ZNF445: variants seen among roughly 807,000 people sequenced by gnomAD.
ZNF445 encodes zinc finger protein 445, also known as zinc finger protein 168.
A neutral mutation model predicts 93.9 loss-of-function variants in ZNF445; 19 were observed. The ratio of observed to expected loss-of-function variants is 0.20; its 90% confidence interval spans 0.14 to 0.30. The LOEUF is 0.30. Among genes scored for constraint, ZNF445 ranks in the 10% least tolerant of loss-of-function variants. The pLI, the probability that ZNF445 is intolerant of heterozygous loss-of-function variation, is 1.00. For synonymous variants in ZNF445, 449 were observed against 446.3 expected, an observed-to-expected ratio of 1.01 and a Z score of -0.08; for missense variants, 1,058 against 1,259.4, an observed-to-expected ratio of 0.84 and a Z score of 2.42.
Position 44,440,039 on chromosome 3 carries a change from G to A in ZNF445, c.*6536C>T, listed in dbSNP as rs781486336. On this transcript the variant is annotated 3_prime_UTR_variant, in exon 8 of 8. Transcript: ENST00000396077. ...GCTTGAATGCTATTAGCAGACAAAC[G>A]TCAAACATGGGGAGACTCTATTCTA... The A allele has an allele frequency of 1.1e-4, 17 of 152,186 alleles. No individual in the cohort carries two copies. Among genetic ancestry groups the A allele is most frequent in the African/African-American group, 3.1e-4 (13 of 41,434 alleles). The allele number at this position is 152,186 out of a possible 1,614,324, so 9.4% of individuals were successfully genotyped here.
chr3:44,449,373 G>T, intron 7 of ZNF445, 140 bp downstream of exon 7: 1 of 680,312 alleles, frequency 1.5e-6, no homozygotes. Context: ...AGACCCAGTG[G>T]CCCAAGCACC....
chr3:44,449,657 G>A (rs377289080), intron 6 of ZNF445, 34 bp from the exon 7 acceptor site: 73 of 1,545,350 alleles, frequency 4.7e-5, no homozygotes, highest in Non-Finnish European at 6.2e-5. Flanking sequence ...TGAGAAGGGA[G>A]ATGGATGACA....
intron 2 of ZNF445, among the ~76,000 whole-genome samples, chr3:44,456,915 G>A (rs1208337136): frequency 2.0e-5 from 3 of 152,132 alleles, no homozygotes; most frequent in Admixed American, 2.0e-4. Context: ...ACTGCTTGAG[G>A]TCAGGAGTTT....
At position 44,439,021 on chromosome 3, in the gene ZNF445, AAC is replaced by A. The variant is rs1697754323; in HGVS notation, c.*7552_*7553del. The A allele has an allele frequency of 6.6e-6, 1 of 150,966 alleles. No individual in the cohort carries two copies. The highest frequency in any genetic ancestry group is 1.5e-5 in the Non-Finnish European group (1 of 67,750). The allele number at this position is 150,966 out of a possible 1,614,324, so 9.4% of individuals were successfully genotyped here. On this transcript the variant is annotated 3_prime_UTR_variant, in exon 8 of 8. Coordinates refer to ENST00000396077, the MANE Select transcript of ZNF445 (RefSeq NM_181489.6). ...ACCCTAAAAGTATAAAAAAAAAAAA[AAC>A]AAGGACTCCAGGCATGGTGGCTCAC... is the stretch of plus-strand genomic sequence containing the variant.
chr3:44,469,171 A>C (rs1365431433), intron 1 of ZNF445, among the ~76,000 whole-genome samples: 1 of 152,192 alleles, frequency 6.6e-6, no homozygotes, highest in Non-Finnish European at 1.5e-5. Flanking sequence ...CCAAAGTTAC[A>C]AGGCAACTAG....
At chr3:44,467,391 A>C (rs1698210335) in intron 1 of ZNF445, among the ~76,000 whole-genome samples, 1 of 152,154 alleles carries the variant, frequency 6.6e-6, no homozygotes, top group African/African-American at 2.4e-5. Context: ...CCTTTAAAGA[A>C]TCAAAGTTGA....
intron 1 of ZNF445, 61 bp from the exon 2 acceptor site, chr3:44,458,425 C>G (rs907467846): frequency 6.6e-6 from 1 of 151,866 alleles, no homozygotes; most frequent in Non-Finnish European, 1.5e-5. Flanking sequence ...ATAGTTCTTA[C>G]GCCTGATACC....
In ZNF445 at chr3:44,455,289, G is replaced by A. The variant is rs144934269; in HGVS notation, c.261C>T (p.Asp87=). The change falls in exon 3 of 8, where the codon GAC becomes GAT. Residue 87 remains aspartate, a synonymous_variant. Coordinates refer to ENST00000396077, the MANE Select transcript of ZNF445 (RefSeq NM_181489.6). ...RELCRWWLRP[D]VLSKAQILEL... Reference sequence around the variant, plus strand: ...CTAGGATCTGTGCCTTGGAGAGAACGTCAGGCCTCAGCCACCAGCGACAGA... The same window carrying A: ...CTAGGATCTGTGCCTTGGAGAGAACATCAGGCCTCAGCCACCAGCGACAGA... 1.8e-5 allele frequency: 29 copies of A among 1,614,024 alleles called. No individual in the cohort carries two copies. The African/African-American group carries it at 2.5e-4, about 14-fold the overall frequency.
intron 6 of ZNF445, chr3:44,450,180 C>T: frequency 2.2e-6 from 1 of 448,708 alleles, no homozygotes; most frequent in Non-Finnish European, 4.1e-6. Context: ...CTCAAGCAAT[C>T]TTCCCACCTG....
chr3:44,458,018 A>AC (rs1284749343), intron 2 of ZNF445, among the ~76,000 whole-genome samples: 2 of 151,350 alleles, frequency 1.3e-5, no homozygotes, highest in African/African-American at 4.9e-5. Context: ...GTCTCAAAAA[A>AC]AAAAAAAAAA....
rs1281781143 is a variant in ZNF445 at position 44,435,209 on chromosome 3, ATCTC to A, written c.*11362_*11365del. ...ACCACCCTACTTCTCTAACCTATAA[ATCTC>A]TCTAAGCCTCATCTTTGGGGAGGTG... On this transcript the variant is annotated 3_prime_UTR_variant, in exon 8 of 8. Transcript: ENST00000396077. 3 of 152,096 alleles carry A rather than the reference ATCTC, an allele frequency of 2.0e-5. No individual in the cohort carries two copies. Among genetic ancestry groups the A allele is most frequent in the East Asian group, 1.9e-4 (1 of 5,184 alleles). 9.4% of individuals were successfully genotyped at this position (152,096 alleles called of 1,614,324 possible).
chr3:44,443,479 G>C lies in ZNF445; in HGVS notation c.*3096C>G, dbSNP rs1309048050. The C allele has an allele frequency of 6.6e-6, 1 of 152,164 alleles. No homozygotes were observed. Among genetic ancestry groups the C allele is most frequent in the Non-Finnish European group, 1.5e-5 (1 of 68,080 alleles). The allele number at this position is 152,164 out of a possible 1,614,324, so 9.4% of individuals were successfully genotyped here. On this transcript the variant is annotated 3_prime_UTR_variant, in exon 8 of 8. Transcript: ENST00000396077. ...CTCACACCTGTAATCCCAGCATTTT[G>C]GGAGGCCGAGGCGGGTGGATCACGA...
At position 44,446,548 on chromosome 3, in the gene ZNF445, C is replaced by G; in HGVS notation, c.*27G>C. Reference sequence around the variant, plus strand: ...TCTCTAGCAGGGGACTGAGAACCCACCCCCACTGTCACTGTCAGGTCCCAG... The same window carrying G: ...TCTCTAGCAGGGGACTGAGAACCCAGCCCCACTGTCACTGTCAGGTCCCAG... On this transcript the variant is annotated 3_prime_UTR_variant, in exon 8 of 8. Transcript: ENST00000396077. The surrounding 1 kb of genome is among the most constrained non-coding windows in gnomAD (Gnocchi z 4.2). The G allele has an allele frequency of 1.2e-6, 2 of 1,613,462 alleles. No individual in the cohort carries two copies. Among genetic ancestry groups the G allele is most frequent in the Non-Finnish European group, 1.7e-6 (2 of 1,179,932 alleles).
At position 44,448,204 on chromosome 3, in the gene ZNF445, G is replaced by C. The variant is rs758769682; in HGVS notation, c.1467C>G (p.Asp489Glu). ...HTVGVSFKCS[D>E]CGRTFSHSSH... Reference sequence around the variant, plus strand: ...AGCTATGACTGAAAGTCCTTCCACAGTCACTGCACTTAAATGACACTCCCA... The same window carrying C: ...AGCTATGACTGAAAGTCCTTCCACACTCACTGCACTTAAATGACACTCCCA... The change falls in exon 8 of 8, where the codon GAC (aspartate) becomes GAG (glutamate). Residue 489 changes from aspartate to glutamate, a missense_variant. By Grantham distance (45) the Asp-to-Glu change is conservative (BLOSUM62 2). Around this residue, in one of 3 missense-constraint regions of ZNF445, gnomAD observed 657 missense variants for 746.4 expected, o/e 0.88. Transcript: ENST00000396077. 3 of 1,614,166 alleles carry C rather than the reference G, an allele frequency of 1.9e-6. No individual in the cohort carries two copies. In the Admixed American group the frequency reaches 5.0e-5, roughly 27 times the overall value.
chr3:44,472,450 A>G (rs923121747), intron 1 of ZNF445, among the ~76,000 whole-genome samples: 2 of 152,206 alleles, frequency 1.3e-5, no homozygotes, highest in African/African-American at 2.4e-5. Flanking sequence ...GGCTCACACA[A>G]TTCTTCTGCC....
chr3:44,475,323 C>G (rs1239189207), intron 1 of ZNF445, among the ~76,000 whole-genome samples: 4 of 151,936 alleles, frequency 2.6e-5, no homozygotes, highest in Non-Finnish European at 5.9e-5. Flanking sequence ...CTCAGCCTCC[C>G]AAGTAGCTGG....
intron 5 of ZNF445, 86 bp from the exon 6 acceptor site, chr3:44,450,659 G>T: frequency 1.9e-6 from 3 of 1,543,962 alleles, no homozygotes; most frequent in Non-Finnish European, 2.6e-6. Flanking sequence ...CTGGCTCTGT[G>T]TGAGTGCAGG....
chr3:44,448,813 T>C, intron 7 of ZNF445, 74 bp from the exon 8 acceptor site: 3 of 1,508,646 alleles, frequency 2.0e-6, no homozygotes, highest in Non-Finnish European at 2.7e-6. Flanking sequence ...CAAAGGGCAA[T>C]AAAATGTCTG....
chr3:44,453,314 A>C (rs1390695679), intron 3 of ZNF445, among the ~76,000 whole-genome samples: 1 of 148,746 alleles, frequency 6.7e-6, no homozygotes, highest in African/African-American at 2.5e-5. Flanking sequence ...TTTTTTTTTT[A>C]GACAGCGTCT....
Sources: allele counts gnomAD v4.1 joint callset (sites outside exome capture counted in the v4.1 genomes callset), GRCh38; gene constraint gnomAD v4.1.1; regional missense constraint gnomAD v4.1.1; non-coding constraint Gnocchi (gnomAD v3.1); transcripts MANE v1.5; gene names NCBI Gene and HGNC (gene_info 2026-07-23, HGNC 2026-07-21).